ERC1: variants seen among roughly 807,000 people sequenced by gnomAD.
ERC1 encodes the protein RAB6 interacting protein 2.
In ERC1, 56 loss-of-function variants were observed where a neutral mutation model predicts 132.0. The ratio of observed to expected loss-of-function variants is 0.42; its 90% confidence interval spans 0.34 to 0.53. The LOEUF (loss-of-function observed/expected upper bound fraction) is 0.53, where lower values mean the gene tolerates loss of function less well. ERC1 is among the 20% of genes least tolerant of loss of function. The pLI is 0.03. For synonymous variants in ERC1, 478 were observed against 476.1 expected, an observed-to-expected ratio of 1.00 and a Z score of -0.05; for missense variants, 1,202 against 1,349.9, an observed-to-expected ratio of 0.89 and a Z score of 1.72.
At chr12:1,412,811 G>T (rs1194943617) in intron 17 of ERC1, among the ~76,000 whole-genome samples, 1 of 152,184 alleles carries the variant, frequency 6.6e-6, no homozygotes, top group Non-Finnish European at 1.5e-5. Flanking sequence ...GAGCAGTACT[G>T]TACATGCCTT....
At chr12:1,035,946 AT>A (rs11456325) in intron 2 of ERC1, among the ~76,000 whole-genome samples, 7 of 149,778 alleles carry the variant, frequency 4.7e-5, no homozygotes, top group Admixed American at 2.0e-4. Flanking sequence ...ACTTTGGATG[AT>A]TTTTTTTTTA....
chr12:1,202,411 A>G (rs977119501), intron 12 of ERC1, among the ~76,000 whole-genome samples: 2 of 152,186 alleles, frequency 1.3e-5, no homozygotes, highest in Admixed American at 1.3e-4. Flanking sequence ...TAATCCTAGC[A>G]CTTTGGGAGG....
chr12:1,018,357 G>C lies in ERC1; in HGVS notation c.-156-9391G>C, dbSNP rs192545965. On this transcript the variant is annotated intron_variant, in intron 1 of 18. Transcript: ENST00000360905. ...AGCCTGTGGAGCTGCTGGGAGTACAGGTGTGCGCCACCATGCCTGGCTAAT... is the reference window on the plus strand; with the variant it reads ...AGCCTGTGGAGCTGCTGGGAGTACACGTGTGCGCCACCATGCCTGGCTAAT... Among the ~76,000 whole-genome samples the C allele has an allele frequency of 7.2e-5, 11 of 152,314 alleles. No homozygotes were observed. In the East Asian group the frequency reaches 1.4e-3, roughly 19 times the overall value.
intron 2 of ERC1, among the ~76,000 whole-genome samples, chr12:1,068,426 T>C (rs1939685055): frequency 6.6e-6 from 1 of 152,132 alleles, no homozygotes; most frequent in Non-Finnish European, 1.5e-5. Context: ...ATCAAGTTTC[T>C]CTTCTGGCCC....
chr12:1,379,713 CGA>C (rs201985395), intron 16 of ERC1, among the ~76,000 whole-genome samples: 1,910 of 152,256 alleles, frequency 0.013, 45 homozygotes, highest in African/African-American at 0.044. Flanking sequence ...ACTTAGGACA[CGA>C]GAGCCAGCTT....
chr12:1,163,106 C>CT (rs996240733), intron 8 of ERC1, among the ~76,000 whole-genome samples: 57 of 152,244 alleles, frequency 3.7e-4, no homozygotes, highest in African/African-American at 1.3e-3. Flanking sequence ...TTTCCCCTCC[C>CT]TTTTTAAAAG....
At chr12:1,036,094 A>G (rs954510715) in intron 2 of ERC1, among the ~76,000 whole-genome samples, 5 of 152,162 alleles carry the variant, frequency 3.3e-5, no homozygotes, top group Non-Finnish European at 7.3e-5. Flanking sequence ...TATTTCATGA[A>G]CAAAATACTG....
At chr12:1,091,152 G>T (rs1052913308) in intron 3 of ERC1, among the ~76,000 whole-genome samples, 1 of 152,284 alleles carries the variant, frequency 6.6e-6, no homozygotes, top group East Asian at 1.9e-4. Flanking sequence ...GCCTCCCAGA[G>T]TGCTGGGATT....
chr12:1,482,951 G>C (rs953410686), intron 18 of ERC1, among the ~76,000 whole-genome samples: 1 of 152,070 alleles, frequency 6.6e-6, no homozygotes, highest in African/African-American at 2.4e-5. Context: ...GCCCCAAGCA[G>C]CTGCCACTCT....
intron 8 of ERC1, among the ~76,000 whole-genome samples, chr12:1,143,327 CTCGT>C (rs1950022470): frequency 8.6e-6 from 1 of 115,620 alleles, no homozygotes; most frequent in Non-Finnish European, 1.9e-5. Context: ...TGGCTTTTGA[CTCGT>C]GTGTGTGTGT....
At chr12:1,138,094 TCC>T (rs1949464712) in intron 7 of ERC1, among the ~76,000 whole-genome samples, 1 of 116,532 alleles carries the variant, frequency 8.6e-6, no homozygotes, top group Admixed American at 9.8e-5. Flanking sequence ...TAATATATAA[TCC>T]ATATTATAAT....
At chr12:1,444,170 G>GC (rs2093238884) in intron 17 of ERC1, 1 of 155,420 alleles carries the variant, frequency 6.4e-6, no homozygotes, top group South Asian at 2.0e-4. Context: ...AGTTTCACTA[G>GC]CAGTTTTTTG....
intron 17 of ERC1, among the ~76,000 whole-genome samples, chr12:1,425,440 G>C (rs894539619): frequency 6.6e-6 from 1 of 152,168 alleles, no homozygotes; most frequent in East Asian, 1.9e-4. Flanking sequence ...ATTCTCACCA[G>C]CCCAAATTCC....
intron 18 of ERC1, among the ~76,000 whole-genome samples, chr12:1,472,936 CTGG>C (rs1181554926): frequency 1.3e-5 from 2 of 152,166 alleles, no homozygotes; most frequent in African/African-American, 2.4e-5. Flanking sequence ...CCACTTGAAT[CTGG>C]AGGAGATGAC....
At chr12:1,084,105 A>G (rs1268448322) in intron 3 of ERC1, among the ~76,000 whole-genome samples, 1 of 152,232 alleles carries the variant, frequency 6.6e-6, no homozygotes, top group African/African-American at 2.4e-5. Flanking sequence ...CCATGGAGGC[A>G]TAGCTGGAGA....
intron 12 of ERC1, among the ~76,000 whole-genome samples, chr12:1,224,979 AAAAG>A (rs879345171): frequency 5.3e-5 from 8 of 152,242 alleles, no homozygotes; most frequent in South Asian, 2.1e-4. Flanking sequence ...ACCTTGTCTA[AAAAG>A]AAAGAAAGAA....
At position 1,141,717 on chromosome 12, in the gene ERC1, C is replaced by A; in HGVS notation, c.1667C>A (p.Ala556Asp). The A allele has an allele frequency of 1.9e-6, 3 of 1,613,150 alleles. No individual in the cohort carries two copies. The highest frequency in any genetic ancestry group is 2.5e-6 in the Non-Finnish European group (3 of 1,179,478). The change falls in exon 8 of 19, where the codon GCT becomes GAT. Residue 556 changes from alanine to aspartate, a missense_variant. By Grantham distance (126) the Ala-to-Asp change is moderately radical (BLOSUM62 -2). Transcript: ENST00000360905. ...ATGGCTGAAGAGAAGGGGACACAAGCTGGAGAGATACATGACCTCAAGGAC... is the reference window on the plus strand; with the variant it reads ...ATGGCTGAAGAGAAGGGGACACAAGATGGAGAGATACATGACCTCAAGGAC... Reference protein sequence around the residue: ...QDMAEEKGTQAGEIHDLKDML... With the variant: ...QDMAEEKGTQDGEIHDLKDML...
chr12:1,350,303 C>A (rs914613796), intron 15 of ERC1, among the ~76,000 whole-genome samples: 1 of 152,096 alleles, frequency 6.6e-6, no homozygotes, highest in Admixed American at 6.6e-5. Flanking sequence ...GGGTTGAGAC[C>A]TATTGTATTT....
At chr12:1,092,873 A>G (rs1439068684) in intron 3 of ERC1, among the ~76,000 whole-genome samples, 1 of 152,166 alleles carries the variant, frequency 6.6e-6, no homozygotes, top group East Asian at 1.9e-4. Flanking sequence ...GCACATGGTA[A>G]TTGCTTCAAC....
Sources: allele counts gnomAD v4.1 joint callset (sites outside exome capture counted in the v4.1 genomes callset), GRCh38; gene constraint gnomAD v4.1.1; transcripts MANE v1.5; gene names NCBI Gene and HGNC (gene_info 2026-07-23, HGNC 2026-07-21).